TENM3: variants seen among roughly 807,000 people sequenced by gnomAD.
TENM3 encodes the protein teneurin-3.
A neutral mutation model predicts 255.1 loss-of-function variants in TENM3; 63 were observed. The observed-to-expected ratio is 0.25, with a 90% CI of 0.20 to 0.30. The LOEUF (loss-of-function observed/expected upper bound fraction) is 0.30, where lower values mean the gene tolerates loss of function less well. Ranked by LOEUF, TENM3 falls within the 10% of genes least tolerant of loss-of-function variation. TENM3 has a pLI of 1.00. For synonymous variants in TENM3, 1,306 were observed against 1,322.3 expected (o/e 0.99, Z 0.27); for missense variants, 2,929 against 3,461.1 (o/e 0.85, Z 3.86).
rs1224052695 is a variant in TENM3 at position 182,773,528 on chromosome 4, AC to A, written c.4951del (p.Leu1651CysfsTer42). On this transcript the variant is annotated frameshift_variant, in exon 23 of 28. Transcript: ENST00000511685. LOFTEE classifies it high-confidence loss of function. Reference sequence around the variant, plus strand: ...ACGTTTCCAACTGGAGTGGTCACAAACCTGCATGGGGACATGGACAAGGCTA... The same window carrying A: ...ACGTTTCCAACTGGAGTGGTCACAAACTGCATGGGGACATGGACAAGGCTA... ...NVTFPTGVVTNLHGDMDKAIT... is the reference protein window; with the variant it reads ...NVTFPTGVVTXLHGDMDKAIT... The A allele has an allele frequency of 6.2e-7, 1 of 1,613,864 alleles. No homozygotes were observed. Among genetic ancestry groups the A allele is most frequent in the Non-Finnish European group, 8.5e-7 (1 of 1,179,846 alleles).
intron 1 of TENM3, among the ~76,000 whole-genome samples, chr4:182,186,894 T>C (rs965478521): frequency 6.9e-6 from 1 of 144,596 alleles, no homozygotes; most frequent in African/African-American, 2.6e-5. Flanking sequence ...GGTGTGAGGG[T>C]GGAGGTAGGA....
chr4:181,521,159 G>T, the TENM3 span, among the ~76,000 whole-genome samples: 7 of 152,184 alleles, frequency 4.6e-5, no homozygotes, highest in Non-Finnish European at 7.3e-5. Context: ...GCAAGATTCA[G>T]CTCTTTACAT....
intron 1 of TENM3, among the ~76,000 whole-genome samples, chr4:182,211,273 T>G (rs1022732327): frequency 6.6e-6 from 1 of 152,244 alleles, no homozygotes; most frequent in African/African-American, 2.4e-5. Context: ...ATTACACGCA[T>G]TGTTTTTTAT....
At chr4:182,152,743 G>GT (rs1341515977) in intron 1 of TENM3, among the ~76,000 whole-genome samples, 1 of 151,578 alleles carries the variant, frequency 6.6e-6, no homozygotes, top group African/African-American at 2.4e-5. Flanking sequence ...AAAATTTAAA[G>GT]TTTTTTATCC....
intron 24 of TENM3, among the ~76,000 whole-genome samples, chr4:182,777,544 T>TGTGTGTGTGTG (rs1561238773): frequency 8.9e-5 from 12 of 135,090 alleles, no homozygotes; most frequent in South Asian, 2.4e-4. Flanking sequence ...TGTGTGTGTA[T>TGTGTGTGTGTG]TTCTTTTTTT....
chr4:181,667,576 T>C, the TENM3 span, among the ~76,000 whole-genome samples: 3 of 152,064 alleles, frequency 2.0e-5, no homozygotes, highest in Non-Finnish European at 4.4e-5. Context: ...GGGGAGTGGA[T>C]TTCTTATAAA....
At chr4:182,667,062 C>T (rs906218678) in intron 6 of TENM3, among the ~76,000 whole-genome samples, 1 of 152,102 alleles carries the variant, frequency 6.6e-6, no homozygotes, top group African/African-American at 2.4e-5. Flanking sequence ...AATAGGTATG[C>T]CTGTATATGC....
chr4:182,367,054 A>G (rs1178914515), intron 3 of TENM3, among the ~76,000 whole-genome samples: 1 of 152,124 alleles, frequency 6.6e-6, no homozygotes, highest in East Asian at 1.9e-4. Flanking sequence ...AGACAAAACA[A>G]CTAGATGAAA....
intron 13 of TENM3, among the ~76,000 whole-genome samples, chr4:182,718,681 A>G (rs938836108): frequency 1.8e-4 from 27 of 152,194 alleles, no homozygotes; most frequent in African/African-American, 6.5e-4. Flanking sequence ...TTGCCAAAGT[A>G]TAGCCTTTTG....
chr4:181,999,535 G>A, the TENM3 span, among the ~76,000 whole-genome samples: 89 of 152,282 alleles, frequency 5.8e-4, no homozygotes, highest in African/African-American at 1.5e-3. Flanking sequence ...CAGTGCTTCC[G>A]TGGAATAAAG....
the TENM3 span, among the ~76,000 whole-genome samples, chr4:181,626,892 G>A: frequency 6.6e-6 from 1 of 152,216 alleles, no homozygotes; most frequent in Non-Finnish European, 1.5e-5. Context: ...TTGGACCAGG[G>A]CAAGATAGAA....
chr4:181,714,719 T>C, the TENM3 span, among the ~76,000 whole-genome samples: 2 of 152,226 alleles, frequency 1.3e-5, no homozygotes, highest in African/African-American at 4.8e-5. Context: ...TCTTTTTTTA[T>C]GAAAATTTAA....
chr4:181,511,977 A>G, the TENM3 span, among the ~76,000 whole-genome samples: 4 of 152,130 alleles, frequency 2.6e-5, no homozygotes, highest in African/African-American at 9.7e-5. Flanking sequence ...TCCCAGCTCA[A>G]AAACCCTTCA....
chr4:181,998,902 G>A, the TENM3 span, among the ~76,000 whole-genome samples: 1 of 152,142 alleles, frequency 6.6e-6, no homozygotes, highest in Admixed American at 6.5e-5. Flanking sequence ...TCTGTGAGCT[G>A]AGGCAAGACA....
chr4:181,959,793 G>A, the TENM3 span, among the ~76,000 whole-genome samples: 1 of 152,144 alleles, frequency 6.6e-6, no homozygotes, highest in South Asian at 2.1e-4. Flanking sequence ...GAAATATATG[G>A]AGTTTTGGCA....
the TENM3 span, among the ~76,000 whole-genome samples, chr4:182,091,099 T>C: frequency 3.9e-5 from 6 of 152,318 alleles, no homozygotes; most frequent in Non-Finnish European, 8.8e-5. Flanking sequence ...CACATATCAG[T>C]TGACCGAGTT....
At chr4:181,860,314 G>A in the TENM3 span, among the ~76,000 whole-genome samples, 6 of 151,698 alleles carry the variant, frequency 4.0e-5, no homozygotes, top group Admixed American at 2.0e-4. Context: ...TTTTCTCTCC[G>A]CCCTCCCAGT....
the TENM3 span, among the ~76,000 whole-genome samples, chr4:181,743,931 C>A: frequency 6.6e-6 from 1 of 152,010 alleles, no homozygotes; most frequent in Non-Finnish European, 1.5e-5. Flanking sequence ...GGTATTACAC[C>A]CAGTATCCAT....
chr4:181,755,980 G>A, the TENM3 span, among the ~76,000 whole-genome samples: 3 of 151,992 alleles, frequency 2.0e-5, no homozygotes, highest in African/African-American at 7.3e-5. Flanking sequence ...TAGCAGTTGA[G>A]GGCACTTTCT....
Sources: gnomAD v4.1 joint callset for allele counts (sites outside exome capture counted in the v4.1 genomes callset) on GRCh38, gnomAD v4.1.1 for gene constraint, MANE v1.5 for transcripts, NCBI Gene and HGNC (gene_info 2026-07-23, HGNC 2026-07-21) for gene names.